Variants in PCDH15 observed in about 807,000 individuals in gnomAD.
PCDH15 encodes protocadherin related 15, also known as protocadherin-15.
In PCDH15, 129 loss-of-function variants were observed where a neutral mutation model predicts 178.5. The observed-to-expected ratio is 0.72, with a 90% CI of 0.63 to 0.84. The LOEUF is 0.84. Among genes scored for constraint, PCDH15 ranks in the 40% least tolerant of loss-of-function variants. PCDH15 has a pLI of 0.00. For synonymous variants in PCDH15, 800 were observed against 732.0 expected (o/e 1.09, Z -1.50); for missense variants, 2,230 against 2,099.9 (o/e 1.06, Z -1.21).
At chr10:54,885,077 T>G (rs1245937086) in intron 3 of PCDH15, among the ~76,000 whole-genome samples, 1 of 152,092 alleles carries the variant, frequency 6.6e-6, no homozygotes, top group Non-Finnish European at 1.5e-5. Context: ...TTTGTTTGTT[T>G]AACTCACAGC....
rs2082175108 is a variant in PCDH15, at chr10:53,899,362, T to C, written c.3501+3881A>G. On this transcript the variant is annotated intron_variant, in intron 26 of 37. Transcript: ENST00000644397. ...TTATTACTTATATTGGATAATTCAC[T>C]TCAACAATGTTTTTATTGTGTCACT... Among the ~76,000 whole-genome samples the C allele has an allele frequency of 2.0e-5, 3 of 152,172 alleles. No individual in the cohort carries two copies. The South Asian group carries it at 6.2e-4, about 31-fold the overall frequency.
intron 2 of PCDH15, among the ~76,000 whole-genome samples, chr10:55,587,568 T>C (rs1842749718): frequency 6.6e-6 from 1 of 152,150 alleles, no homozygotes; most frequent in Admixed American, 6.6e-5. Flanking sequence ...ATAATCCTGG[T>C]CATTCAAAAC....
intron 2 of PCDH15, among the ~76,000 whole-genome samples, chr10:55,538,576 CCTTT>C (rs1564442105): frequency 2.6e-5 from 2 of 77,768 alleles, no homozygotes; most frequent in African/African-American, 5.2e-5. Flanking sequence ...CTTCCTTCCT[CCTTT>C]CCTTCCTTCC....
intron 2 of PCDH15, among the ~76,000 whole-genome samples, chr10:54,581,263 A>G (rs963680929): frequency 6.6e-6 from 1 of 152,150 alleles, no homozygotes; most frequent in Non-Finnish European, 1.5e-5. Flanking sequence ...TAAAAATTCA[A>G]CATACAAAAA....
At chr10:55,433,511 A>G (rs530126320) in intron 2 of PCDH15, among the ~76,000 whole-genome samples, 1 of 152,276 alleles carries the variant, frequency 6.6e-6, no homozygotes, top group East Asian at 1.9e-4. Context: ...TGAACACCAA[A>G]TCCCGATGAC....
At chr10:54,163,265 C>G (rs951388049) in intron 13 of PCDH15, among the ~76,000 whole-genome samples, 9 of 152,062 alleles carry the variant, frequency 5.9e-5, no homozygotes, top group Non-Finnish European at 1.3e-4. Flanking sequence ...CTAACTCAGA[C>G]TGGGTAATTT....
intron 2 of PCDH15, among the ~76,000 whole-genome samples, chr10:55,570,570 T>A (rs1337198317): frequency 1.3e-5 from 2 of 152,036 alleles, no homozygotes; most frequent in Non-Finnish European, 2.9e-5. Flanking sequence ...GAAATATGGC[T>A]TGATATTCAA....
At chr10:54,161,222 T>C (rs139717881) in intron 13 of PCDH15, among the ~76,000 whole-genome samples, 37 of 152,298 alleles carry the variant, frequency 2.4e-4, no homozygotes, top group East Asian at 7.7e-4. Context: ...GAAACAGATA[T>C]ATAGCATTGA....
intron 1 of PCDH15, among the ~76,000 whole-genome samples, chr10:54,691,712 A>T (rs760382646): frequency 6.6e-6 from 1 of 152,038 alleles, no homozygotes; most frequent in Non-Finnish European, 1.5e-5. Context: ...TGGATTTCTG[A>T]ATAAGAAATT....
intron 1 of PCDH15, among the ~76,000 whole-genome samples, chr10:55,216,223 A>T (rs1840697913): frequency 6.6e-6 from 1 of 151,924 alleles, no homozygotes; most frequent in South Asian, 2.1e-4. Flanking sequence ...AAATCTTCTG[A>T]TATATGTTGA....
intron 1 of PCDH15, among the ~76,000 whole-genome samples, chr10:55,295,006 T>C (rs1358893594): frequency 2.0e-5 from 3 of 152,198 alleles, no homozygotes; most frequent in Non-Finnish European, 4.4e-5. Flanking sequence ...TTTTAGATAA[T>C]GCTTTCACTT....
At chr10:55,049,286 T>G (rs1017216496) in intron 2 of PCDH15, among the ~76,000 whole-genome samples, 7 of 151,938 alleles carry the variant, frequency 4.6e-5, no homozygotes, top group Admixed American at 2.6e-4. Context: ...GGCCTATTTG[T>G]GTATGTCACT....
At chr10:54,781,851 C>T (rs914906004) in intron 1 of PCDH15, among the ~76,000 whole-genome samples, 1 of 152,080 alleles carries the variant, frequency 6.6e-6, no homozygotes, top group African/African-American at 2.4e-5. Context: ...ATTTCAAACA[C>T]GAGGTTCCTG....
intron 2 of PCDH15, among the ~76,000 whole-genome samples, chr10:55,437,561 A>C (rs1839071444): frequency 6.6e-6 from 1 of 152,172 alleles, no homozygotes; most frequent in Non-Finnish European, 1.5e-5. Flanking sequence ...TACAAGTACT[A>C]AAGGTTTAGA....
chr10:54,995,391 C>CAAAAAAAAA (rs10631856), intron 2 of PCDH15, among the ~76,000 whole-genome samples: 6 of 125,764 alleles, frequency 4.8e-5, no homozygotes, highest in African/African-American at 1.9e-4. Flanking sequence ...GACTCCGTCT[C>CAAAAAAAAA]AAAAAAAAAA....
intron 13 of PCDH15, among the ~76,000 whole-genome samples, chr10:54,169,117 T>C (rs959166288): frequency 4.0e-5 from 6 of 151,564 alleles, no homozygotes; most frequent in African/African-American, 1.5e-4. Flanking sequence ...GGGACCCCAC[T>C]GAAAATCGGA....
intron 1 of PCDH15, among the ~76,000 whole-genome samples, chr10:55,266,689 G>A (rs942260809): frequency 6.6e-6 from 1 of 152,110 alleles, no homozygotes; most frequent in Non-Finnish European, 1.5e-5. Context: ...ACATCAAGAG[G>A]AACACACTGG....
chr10:54,264,333 C>A (rs1308085838), intron 8 of PCDH15, among the ~76,000 whole-genome samples: 1 of 152,112 alleles, frequency 6.6e-6, no homozygotes, highest in Non-Finnish European at 1.5e-5. Flanking sequence ...GGAATAAGCA[C>A]AAGAACTCTG....
At chr10:55,305,267 G>T (rs1419394461) in intron 1 of PCDH15, among the ~76,000 whole-genome samples, 1 of 152,194 alleles carries the variant, frequency 6.6e-6, no homozygotes, top group Non-Finnish European at 1.5e-5. Context: ...AATTGGATCT[G>T]CCTGGTTTCA....
Sources: gnomAD v4.1 joint callset for allele counts (sites outside exome capture counted in the v4.1 genomes callset) on GRCh38, gnomAD v4.1.1 for gene constraint, MANE v1.5 for transcripts, NCBI Gene and HGNC (gene_info 2026-07-23, HGNC 2026-07-21) for gene names.